CNBD1: variants seen among roughly 807,000 people sequenced by gnomAD.
The protein encoded by CNBD1 is cyclic nucleotide-binding domain-containing protein 1.
CNBD1 carries 71 observed loss-of-function variants against 54.4 expected under a neutral mutation model. The observed-to-expected ratio is 1.30, with a 90% CI of 1.08 to 1.59. The LOEUF is 1.59. CNBD1 is among the 40% of genes most tolerant of loss of function. CNBD1 has a pLI of 0.00. For missense variants in CNBD1, 659 were observed against 518.0 expected (o/e 1.27, Z -2.64); for synonymous variants, 182 against 170.7 (o/e 1.07, Z -0.51).
chr8:87,314,844 C>T (rs565181310), intron 8 of CNBD1, among the ~76,000 whole-genome samples: 1 of 151,984 alleles, frequency 6.6e-6, no homozygotes, highest in South Asian at 2.1e-4. Context: ...CTGTATGAAA[C>T]AAACAAGCAA....
At chr8:87,140,059 A>T (rs1433055754) in intron 4 of CNBD1, among the ~76,000 whole-genome samples, 1 of 152,196 alleles carries the variant, frequency 6.6e-6, no homozygotes, top group Non-Finnish European at 1.5e-5. Flanking sequence ...AAGGAAAAAA[A>T]AATTGTAATA....
intron 4 of CNBD1, among the ~76,000 whole-genome samples, chr8:87,156,159 T>C (rs566947724): frequency 1.6e-4 from 24 of 150,934 alleles, no homozygotes; most frequent in Admixed American, 3.3e-4. Flanking sequence ...TTTCAAATAC[T>C]TCATAGATGT....
intron 6 of CNBD1, among the ~76,000 whole-genome samples, chr8:87,249,821 G>A (rs11997906): frequency 6.6e-6 from 1 of 151,882 alleles, no homozygotes; most frequent in African/African-American, 2.4e-5. Flanking sequence ...GATTAGAAAG[G>A]CTCATTATAA....
intron 4 of CNBD1, among the ~76,000 whole-genome samples, chr8:87,000,120 T>G (rs1404170890): frequency 2.0e-5 from 3 of 152,146 alleles, no homozygotes; most frequent in African/African-American, 4.8e-5. Flanking sequence ...AAATCTTGTC[T>G]TGAATTGTAA....
At chr8:87,224,875 G>C in intron 5 of CNBD1, among the ~76,000 whole-genome samples, 1 of 151,864 alleles carries the variant, frequency 6.6e-6, no homozygotes, top group Non-Finnish European at 1.5e-5. Flanking sequence ...CTACCCATGA[G>C]CATGGAATGT....
chr8:87,073,680 C>T lies in CNBD1; in HGVS notation c.432-132313C>T, dbSNP rs149934204. 9.5e-4 allele frequency among the ~76,000 whole-genome samples: 144 copies of T among 152,252 alleles called. 1 individual carries two copies. Among genetic ancestry groups the T allele is most frequent in the Non-Finnish European group, 1.1e-3 (75 of 68,024 alleles). On this transcript the variant is annotated intron_variant, in intron 4 of 10. Coordinates refer to ENST00000518476, the MANE Select transcript of CNBD1 (RefSeq NM_173538.3). Reference sequence around the variant, plus strand: ...GGCAAAGATGGCAGCCTGCTCCTTCCTCTGGAAGCTCTGTCCCAGTGGAGT... The same window carrying T: ...GGCAAAGATGGCAGCCTGCTCCTTCTTCTGGAAGCTCTGTCCCAGTGGAGT...
At chr8:87,195,574 T>C (rs1213759226) in intron 4 of CNBD1, among the ~76,000 whole-genome samples, 5 of 151,594 alleles carry the variant, frequency 3.3e-5, no homozygotes, top group Non-Finnish European at 7.4e-5. Flanking sequence ...TTTTTTTTTT[T>C]TTTTAATTTT....
At chr8:87,042,739 ATG>A (rs1810098518) in intron 4 of CNBD1, among the ~76,000 whole-genome samples, 2 of 152,150 alleles carry the variant, frequency 1.3e-5, no homozygotes, top group South Asian at 4.1e-4. Context: ...ACTAACAATT[ATG>A]TGTTATAAAT....
At chr8:86,889,784 T>G (rs2131790412) in intron 2 of CNBD1, among the ~76,000 whole-genome samples, 1 of 152,266 alleles carries the variant, frequency 6.6e-6, no homozygotes, top group East Asian at 1.9e-4. Context: ...TGCTTCCTAC[T>G]CCTTGACATT....
chr8:87,366,541 A>C (rs1351538607), intron 10 of CNBD1, among the ~76,000 whole-genome samples: 1 of 152,104 alleles, frequency 6.6e-6, no homozygotes, highest in Non-Finnish European at 1.5e-5. Context: ...AGGCCCACCC[A>C]GATAACCTGC....
chr8:87,203,962 A>T (rs937030688), intron 4 of CNBD1, among the ~76,000 whole-genome samples: 3 of 152,144 alleles, frequency 2.0e-5, no homozygotes, highest in Admixed American at 1.3e-4. Flanking sequence ...ACAGTACTGG[A>T]AGTTTTAAAA....
At chr8:87,131,436 A>T (rs1373562878) in intron 4 of CNBD1, among the ~76,000 whole-genome samples, 1 of 152,072 alleles carries the variant, frequency 6.6e-6, no homozygotes, top group Non-Finnish European at 1.5e-5. Flanking sequence ...TTGCAATCAT[A>T]TAGGTCATTT....
chr8:87,071,540 A>T (rs1318525403), intron 4 of CNBD1, among the ~76,000 whole-genome samples: 3 of 152,262 alleles, frequency 2.0e-5, no homozygotes, highest in Non-Finnish European at 2.9e-5. Flanking sequence ...AATGCATATT[A>T]TTCATTTATG....
At chr8:87,339,660 T>C (rs1810025319) in intron 8 of CNBD1, among the ~76,000 whole-genome samples, 1 of 152,094 alleles carries the variant, frequency 6.6e-6, no homozygotes, top group African/African-American at 2.4e-5. Flanking sequence ...CCTTCAGGTT[T>C]TCTTTTCTGT....
chr8:87,399,756 G>A (rs1807515048), intron 2 of CNBD1, among the ~76,000 whole-genome samples: 1 of 151,952 alleles, frequency 6.6e-6, no homozygotes, highest in Non-Finnish European at 1.5e-5. Flanking sequence ...AGCAGCTTAG[G>A]TGCTGGTAGG....
chr8:87,236,908 GT>G lies in CNBD1; in HGVS notation c.578-4del. The G allele has an allele frequency of 4.4e-6, 7 of 1,576,128 alleles. No homozygotes were observed. Among genetic ancestry groups the G allele is most frequent in the Non-Finnish European group, 5.2e-6 (6 of 1,159,268 alleles). Reference sequence around the variant, plus strand: ...CACACAGTATATATTTTTTGGCTTTGTTTTTTTCAGTGGTTGCAAATGATGG... The same window carrying G: ...CACACAGTATATATTTTTTGGCTTTGTTTTTTCAGTGGTTGCAAATGATGG... On this transcript the variant is annotated splice_polypyrimidine_tract_variant and intron_variant, in intron 5 of 10. Coordinates refer to ENST00000518476, the MANE Select transcript of CNBD1 (RefSeq NM_173538.3).
chr8:87,142,278 T>C (rs1812385926), intron 4 of CNBD1, among the ~76,000 whole-genome samples: 2 of 152,066 alleles, frequency 1.3e-5, no homozygotes, highest in Admixed American at 1.3e-4. Flanking sequence ...AAAAGTGAGG[T>C]TGGGAATAAT....
chr8:87,301,194 T>A (rs1585994287), intron 8 of CNBD1, among the ~76,000 whole-genome samples: 1 of 152,072 alleles, frequency 6.6e-6, no homozygotes, highest in African/African-American at 2.4e-5. Flanking sequence ...GCAGCAAGAT[T>A]GAAATGGTAA....
chr8:86,958,512 C>T (rs1807838471), intron 4 of CNBD1, among the ~76,000 whole-genome samples: 1 of 152,158 alleles, frequency 6.6e-6, no homozygotes, highest in South Asian at 2.1e-4. Context: ...CTGGGTGCTC[C>T]TGTATTGGGT....
Sources: allele counts gnomAD v4.1 joint callset (sites outside exome capture counted in the v4.1 genomes callset), GRCh38; gene constraint gnomAD v4.1.1; transcripts MANE v1.5; gene names NCBI Gene and HGNC (gene_info 2026-07-23, HGNC 2026-07-21).